The following RNPS1 variants were observed in gnomAD, a reference collection of about 807,000 sequenced individuals.
The protein encoded by RNPS1 is RNA binding protein with serine rich domain 1, also known as RNA-binding protein with serine-rich domain 1.
For missense variants in RNPS1, 300 were observed against 427.6 expected, an observed-to-expected ratio of 0.70 and a Z score of 2.63; for synonymous variants, 147 against 150.0, an observed-to-expected ratio of 0.98 and a Z score of 0.15.
At position 2,262,306 on chromosome 16, in the gene RNPS1, G is replaced by A. The variant is rs765823625; in HGVS notation, c.648C>T (p.Ala216=). 22 of 1,613,298 alleles carry A rather than the reference G, an allele frequency of 1.4e-5. No individual in the cohort carries two copies. The highest frequency in any genetic ancestry group is 1.1e-4 in the East Asian group (5 of 44,896). ...AYVEFENPDE[A]EKALKHMDGG... ...CATCCATGTGCTTCAGCGCCTTCTC[G>A]GCTTCATCTGGATTCTCAAACTCTA... Residue 216 remains alanine, a synonymous_variant, in exon 6 of 8, where the codon GCC becomes GCT. Coordinates refer to ENST00000320225, the MANE Select transcript of RNPS1 (RefSeq NM_080594.4).
At chr16:2,255,054 T>C (rs1002100391) in intron 7 of RNPS1, among the ~76,000 whole-genome samples, 2 of 152,154 alleles carry the variant, frequency 1.3e-5, no homozygotes, top group Admixed American at 6.6e-5. Context: ...TACTTTTTAA[T>C]ACTAGAAGTT....
At chr16:2,262,594 G>C in intron 5 of RNPS1, 146 bp downstream of exon 5, 1 of 935,054 alleles carries the variant, frequency 1.1e-6, no homozygotes, top group Non-Finnish European at 1.6e-6. Flanking sequence ...TGTATTAATG[G>C]TCCACCAAGA....
At chr16:2,257,716 C>T (rs923819125) in intron 6 of RNPS1, 2 of 152,220 alleles carry the variant, frequency 1.3e-5, no homozygotes, top group African/African-American at 2.4e-5. Flanking sequence ...TGTGAGCGCA[C>T]AGAGCTCCTA....
chr16:2,266,516 G>A (rs1822403918), intron 1 of RNPS1: 3 of 950,708 alleles, frequency 3.2e-6, no homozygotes, highest in African/African-American at 3.5e-5. Context: ...TCAATATGGT[G>A]ACAATTACAG....
At chr16:2,266,382 G>C (rs550764136) in intron 1 of RNPS1, 16 of 985,242 alleles carry the variant, frequency 1.6e-5, no homozygotes, top group African/African-American at 1.7e-5. Flanking sequence ...TTGTGTCCTC[G>C]GACAATCAGT....
At chr16:2,262,997 T>G in intron 4 of RNPS1, 99 bp downstream of exon 4, 2 of 1,394,146 alleles carry the variant, frequency 1.4e-6, no homozygotes, top group Non-Finnish European at 2.0e-6. Flanking sequence ...GAAATCCTAT[T>G]AACACAGAAA....
At chr16:2,254,119 C>T in intron 7 of RNPS1, 56 bp from the exon 8 acceptor site, 1 of 1,268,092 alleles carries the variant, frequency 7.9e-7, no homozygotes. Context: ...GGCAAGCTAG[C>T]TTCTTTCTGG....
chr16:2,259,772 C>T (rs892559900), intron 6 of RNPS1, among the ~76,000 whole-genome samples: 23 of 152,234 alleles, frequency 1.5e-4, no homozygotes, highest in African/African-American at 5.3e-4. Flanking sequence ...GCCTGCAGTC[C>T]CAGCTACTCG....
chr16:2,268,015 C>T (rs1022258108), intron 1 of RNPS1, 40 bp downstream of exon 1: 10 of 1,533,594 alleles, frequency 6.5e-6, no homozygotes, highest in African/African-American at 2.7e-5. Flanking sequence ...GCCGGGCAGC[C>T]CCCGAAACAC....
At chr16:2,260,244 C>T (rs1484408651) in intron 6 of RNPS1, among the ~76,000 whole-genome samples, 1 of 149,038 alleles carries the variant, frequency 6.7e-6, no homozygotes, top group Non-Finnish European at 1.5e-5. Flanking sequence ...CAATCCCTGC[C>T]TCCTAGGTTC....
rs2093625808 is a variant in RNPS1, at chr16:2,266,512, T to C, written c.-118+1543A>G. On this transcript the variant is annotated intron_variant, in intron 1 of 7. Coordinates refer to ENST00000320225, the MANE Select transcript of RNPS1 (RefSeq NM_080594.4). The stretch of plus-strand genomic sequence containing the variant: ...TTTCTCAAGTTTCTCATCATCAATA[T>C]GGTGACAATTACAGTTCCAACCTTA... 3 of 949,832 alleles carry C rather than the reference T, an allele frequency of 3.2e-6. No homozygotes were observed. The South Asian group carries it at 1.5e-4, about 46-fold the overall frequency. The allele number at this position is 949,832 out of a possible 1,614,324, so 58.8% of individuals were successfully genotyped here.
chr16:2,253,434 C>T lies in RNPS1; in HGVS notation c.*530G>A, dbSNP rs555481385. ...GTGTGTGCATCGGTGCACGGACAGA[C>T]AGAACCACGAGCAGCAACTACCATG... On this transcript the variant is annotated 3_prime_UTR_variant, in exon 8 of 8. Transcript: ENST00000320225. 3.0e-5 allele frequency: 6 copies of T among 201,874 alleles called. No individual in the cohort carries two copies. In the East Asian group the frequency reaches 8.6e-4, roughly 29 times the overall value. 12.5% of individuals were successfully genotyped at this position (201,874 alleles called of 1,614,324 possible).
At chr16:2,259,477 T>C (rs1005162573) in intron 6 of RNPS1, among the ~76,000 whole-genome samples, 7 of 152,254 alleles carry the variant, frequency 4.6e-5, no homozygotes, top group African/African-American at 1.7e-4. Flanking sequence ...TTTAATCCTT[T>C]TTAGAAGGTG....
chr16:2,257,214 C>T (rs1270421766), intron 6 of RNPS1: 1 of 152,168 alleles, frequency 6.6e-6, no homozygotes, highest in African/African-American at 2.4e-5. Flanking sequence ...CAAGAATTGT[C>T]TGGTAGCTGG....
chr16:2,256,239 T>A (rs1218726508), intron 6 of RNPS1: 1 of 163,462 alleles, frequency 6.1e-6, no homozygotes, highest in African/African-American at 2.4e-5. Context: ...GCCTCCCAGG[T>A]CAAGAGTCAT....
intron 6 of RNPS1, among the ~76,000 whole-genome samples, chr16:2,261,576 G>T (rs2093603253): frequency 6.6e-6 from 1 of 152,206 alleles, no homozygotes. Context: ...TCTCACTAAC[G>T]CAGGCCTCTG....
intron 6 of RNPS1, 127 bp from the exon 7 acceptor site, chr16:2,255,853 C>CA: frequency 9.5e-7 from 1 of 1,050,280 alleles, no homozygotes; most frequent in Non-Finnish European, 1.4e-6. Context: ...CAGGGCCGGG[C>CA]ATGGTGGCTC....
Position 2,254,370 on chromosome 16 carries a change from C to T in RNPS1, c.819-307G>A, listed in dbSNP as rs1048665365. On this transcript the variant is annotated intron_variant, in intron 7 of 7. Transcript: ENST00000320225. Reference sequence around the variant, plus strand: ...CTGTTGCCCAGGCTGAGTGCAGAGGCGCAATCTCGGCCTCCCAGGTTCATG... The same window carrying T: ...CTGTTGCCCAGGCTGAGTGCAGAGGTGCAATCTCGGCCTCCCAGGTTCATG... Among the ~76,000 whole-genome samples, 11 of 151,260 alleles carry T rather than the reference C, an allele frequency of 7.3e-5. 1 individual carries two copies. Among genetic ancestry groups the T allele is most frequent in the African/African-American group, 1.9e-4 (8 of 41,142 alleles).
chr16:2,266,929 A>C (rs1490012563), intron 1 of RNPS1: 1 of 212,616 alleles, frequency 4.7e-6, no homozygotes, highest in African/African-American at 2.3e-5. Context: ...GCTGTATTTC[A>C]CATGCTTAGC....
Sources: gnomAD v4.1 joint callset for allele counts (sites outside exome capture counted in the v4.1 genomes callset) on GRCh38, gnomAD v4.1.1 for gene constraint, MANE v1.5 for transcripts, NCBI Gene and HGNC (gene_info 2026-07-23, HGNC 2026-07-21) for gene names.